SLC24A2: variants seen among roughly 807,000 people sequenced by gnomAD.
SLC24A2 encodes solute carrier family 24 member 2.
In SLC24A2, 36 loss-of-function variants were observed where a neutral mutation model predicts 62.0. The ratio of observed to expected loss-of-function variants is 0.58; its 90% CI spans 0.44 to 0.77. The LOEUF is 0.77. Among genes scored for constraint, SLC24A2 ranks in the 30% least tolerant of loss-of-function variants. The probability of loss-of-function intolerance (pLI) is 0.00; values close to 1 mark genes in which losing one functional copy is unlikely to be tolerated. For missense variants in SLC24A2, 846 were observed against 817.9 expected (o/e 1.03, Z -0.42); for synonymous variants, 358 against 294.0 (o/e 1.22, Z -2.23).
chr9:20,096,197 G>C, the SLC24A2 span, among the ~76,000 whole-genome samples: 3 of 152,106 alleles, frequency 2.0e-5, no homozygotes, highest in Non-Finnish European at 4.4e-5. Flanking sequence ...ATAGCATTGT[G>C]AGACCAAAAA....
the SLC24A2 span, among the ~76,000 whole-genome samples, chr9:20,065,160 C>T: frequency 2.6e-5 from 4 of 152,154 alleles, no homozygotes; most frequent in East Asian, 1.9e-4. Context: ...TGGGGAAAAC[C>T]AGAAAAGGAC....
the SLC24A2 span, among the ~76,000 whole-genome samples, chr9:20,295,034 ATG>A: frequency 2.8e-5 from 4 of 141,942 alleles, no homozygotes; most frequent in East Asian, 8.3e-4. Context: ...ATGTGTATAT[ATG>A]TATATATATA....
chr9:19,711,617 T>C (rs935946032), intron 2 of SLC24A2, among the ~76,000 whole-genome samples: 9 of 152,244 alleles, frequency 5.9e-5, no homozygotes, highest in African/African-American at 1.9e-4. Context: ...ATTTCATTTC[T>C]AGAAGAACAC....
At chr9:20,216,352 T>C in the SLC24A2 span, among the ~76,000 whole-genome samples, 18,185 of 152,184 alleles carry the variant, frequency 0.12, 2,342 homozygotes, top group East Asian at 0.61. Context: ...AGGACATACA[T>C]ATTCTCCCTT....
At chr9:20,303,614 G>A in the SLC24A2 span, among the ~76,000 whole-genome samples, 2 of 152,214 alleles carry the variant, frequency 1.3e-5, no homozygotes, top group African/African-American at 4.8e-5. Context: ...TCAAGCAAGA[G>A]ACATTTGCAC....
chr9:19,532,843 C>T (rs1208073959), intron 8 of SLC24A2, among the ~76,000 whole-genome samples: 1 of 152,302 alleles, frequency 6.6e-6, no homozygotes, highest in Non-Finnish European at 1.5e-5. Flanking sequence ...CTTCCTAGTT[C>T]TAATGGGTCA....
chr9:19,818,383 C>G, the SLC24A2 span, among the ~76,000 whole-genome samples: 1 of 152,014 alleles, frequency 6.6e-6, no homozygotes, highest in Non-Finnish European at 1.5e-5. Context: ...TGAATGAATT[C>G]AAAATAAAGA....
At chr9:20,051,657 C>CTTTTTTTT in the SLC24A2 span, among the ~76,000 whole-genome samples, 134 of 73,494 alleles carry the variant, frequency 1.8e-3, 12 homozygotes, top group Middle Eastern at 0.01. Context: ...TTTTCTTTCT[C>CTTTTTTTT]TTTTTTTTTT....
the SLC24A2 span, among the ~76,000 whole-genome samples, chr9:20,120,413 T>G: frequency 6.6e-6 from 1 of 152,118 alleles, no homozygotes; most frequent in Non-Finnish European, 1.5e-5. Context: ...CAGCTGGAGT[T>G]GGAGCTGGAG....
chr9:20,081,155 G>T, the SLC24A2 span, among the ~76,000 whole-genome samples: 1 of 152,124 alleles, frequency 6.6e-6, no homozygotes, highest in Non-Finnish European at 1.5e-5. Flanking sequence ...TATAAATCAT[G>T]CTGCTATAAA....
the SLC24A2 span, among the ~76,000 whole-genome samples, chr9:20,039,830 C>T: frequency 6.6e-6 from 1 of 152,216 alleles, no homozygotes; most frequent in African/African-American, 2.4e-5. Context: ...TAGCAAGGAC[C>T]AAGGATACCA....
the SLC24A2 span, among the ~76,000 whole-genome samples, chr9:19,907,376 A>C: frequency 7.2e-5 from 11 of 152,332 alleles, no homozygotes; most frequent in Middle Eastern, 3.4e-3. Flanking sequence ...TGTCATACTG[A>C]ATGGGCAAAA....
In SLC24A2 at chr9:19,512,420, A is replaced by G. The variant is rs1319775887; in HGVS notation, c.*3733T>C. 1 of 152,222 alleles carries G rather than the reference A, an allele frequency of 6.6e-6. No individual in the cohort carries two copies. The highest frequency in any genetic ancestry group is 1.9e-4 in the East Asian group (1 of 5,198). The allele number at this position is 152,222 out of a possible 1,614,324, so 9.4% of individuals were successfully genotyped here. A position where few individuals can be genotyped will look rare whatever the true frequency, so the allele number is the denominator to read the frequency against. Reference sequence around the variant, plus strand: ...ACATTCTGCTGCATCTGCCGAGGGTATAAACAACCCTATCCCTTAGTCCCT... The same window carrying G: ...ACATTCTGCTGCATCTGCCGAGGGTGTAAACAACCCTATCCCTTAGTCCCT... On this transcript the variant is annotated 3_prime_UTR_variant, in exon 11 of 11. Coordinates refer to ENST00000341998, the MANE Select transcript of SLC24A2 (RefSeq NM_020344.4).
chr9:19,824,902 C>A, the SLC24A2 span, among the ~76,000 whole-genome samples: 4 of 152,082 alleles, frequency 2.6e-5, no homozygotes, highest in African/African-American at 9.7e-5. Flanking sequence ...CCATCATTTT[C>A]AGCAAACTAA....
chr9:19,703,246 TAC>T (rs1373124396), intron 2 of SLC24A2, among the ~76,000 whole-genome samples: 1 of 152,220 alleles, frequency 6.6e-6, no homozygotes, highest in Non-Finnish European at 1.5e-5. Flanking sequence ...GTATCCATTT[TAC>T]AGATGATAAA....
chr9:20,023,046 G>C, the SLC24A2 span, among the ~76,000 whole-genome samples: 11 of 152,120 alleles, frequency 7.2e-5, no homozygotes, highest in Non-Finnish European at 1.5e-4. Context: ...ACTAACATAA[G>C]AGAAAATGAC....
chr9:19,717,099 G>A (rs910029829), intron 2 of SLC24A2, among the ~76,000 whole-genome samples: 5 of 152,206 alleles, frequency 3.3e-5, no homozygotes, highest in African/African-American at 1.2e-4. Context: ...GACAGTGAGA[G>A]TTCTTCCCGA....
the SLC24A2 span, among the ~76,000 whole-genome samples, chr9:20,113,024 T>G: frequency 6.6e-6 from 1 of 152,130 alleles, no homozygotes; most frequent in Non-Finnish European, 1.5e-5. Flanking sequence ...ACATTAGCTG[T>G]TTGGCTAATG....
intron 2 of SLC24A2, among the ~76,000 whole-genome samples, chr9:19,634,281 C>CTTTTTTT (rs35884916): frequency 5.0e-5 from 4 of 79,304 alleles, no homozygotes; most frequent in Non-Finnish European, 6.9e-5. Context: ...ACTGCAGCCT[C>CTTTTTTT]TTTTTTTTTT....
Sources: allele counts gnomAD v4.1 joint callset (sites outside exome capture counted in the v4.1 genomes callset), GRCh38; gene constraint gnomAD v4.1.1; transcripts MANE v1.5; gene names NCBI Gene and HGNC (gene_info 2026-07-23, HGNC 2026-07-21).